The following OSBPL9 variants were observed in gnomAD, a reference collection of about 807,000 sequenced individuals.
OSBPL9 encodes the protein oxysterol-binding protein-related protein 9.
Under a neutral mutation model 106.6 loss-of-function variants are expected in OSBPL9, and 40 were observed. The observed-to-expected ratio is 0.38, with a 90% CI of 0.29 to 0.49. The LOEUF (loss-of-function observed/expected upper bound fraction) is 0.49, where lower values mean the gene tolerates loss of function less well. Ranked by LOEUF, OSBPL9 falls within the 20% of genes least tolerant of loss-of-function variation. The probability of loss-of-function intolerance (pLI) is 0.97; values close to 1 mark genes in which losing one functional copy is unlikely to be tolerated. For missense variants in OSBPL9, 609 were observed against 887.2 expected, an observed-to-expected ratio of 0.69 and a Z score of 3.98; for synonymous variants, 269 against 295.4, an observed-to-expected ratio of 0.91 and a Z score of 0.92.
At chr1:51,763,837 C>T (rs921945916) in intron 11 of OSBPL9, among the ~76,000 whole-genome samples, 6 of 151,940 alleles carry the variant, frequency 3.9e-5, no homozygotes, top group African/African-American at 1.2e-4. Context: ...TGTTGTTGTT[C>T]GTATTTTTAT....
intron 1 of OSBPL9, among the ~76,000 whole-genome samples, chr1:51,629,338 C>T (rs955847695): frequency 1.3e-5 from 2 of 152,132 alleles, no homozygotes; most frequent in African/African-American, 4.8e-5. Context: ...ATTTTATCTC[C>T]AGCATCTAGA....
chr1:51,651,200 T>C (rs937624859), intron 1 of OSBPL9, among the ~76,000 whole-genome samples: 6 of 152,218 alleles, frequency 3.9e-5, no homozygotes, highest in Admixed American at 3.9e-4. Context: ...CTGAGGGACA[T>C]TGGATGAGAA....
intron 1 of OSBPL9, among the ~76,000 whole-genome samples, chr1:51,646,059 A>G (rs1049335018): frequency 1.5e-4 from 23 of 152,158 alleles, no homozygotes; most frequent in African/African-American, 4.6e-4. Flanking sequence ...GAGTCCTCCA[A>G]TGTTGTTCTT....
intron 1 of OSBPL9, among the ~76,000 whole-genome samples, chr1:51,591,646 A>G (rs1645275856): frequency 6.6e-6 from 1 of 152,058 alleles, no homozygotes; most frequent in South Asian, 2.1e-4. Context: ...ATCTCTACCA[A>G]ATTAAGTGAG....
At chr1:51,737,059 C>T (rs571100754) in intron 4 of OSBPL9, among the ~76,000 whole-genome samples, 2 of 151,844 alleles carry the variant, frequency 1.3e-5, no homozygotes, top group Non-Finnish European at 2.9e-5. Context: ...AAAACTTTGC[C>T]ATTTTGCTTG....
intron 9 of OSBPL9, chr1:51,759,683 C>G (rs1671090206): frequency 6.6e-6 from 1 of 152,212 alleles, no homozygotes; most frequent in Non-Finnish European, 1.5e-5. Flanking sequence ...CATGTACACA[C>G]TCGCACCCCC....
intron 4 of OSBPL9, among the ~76,000 whole-genome samples, chr1:51,732,386 A>C (rs778925852): frequency 3.9e-5 from 6 of 152,212 alleles, no homozygotes; most frequent in Non-Finnish European, 8.8e-5. Context: ...AGACTTTGTG[A>C]TTACTGTAGT....
chr1:51,684,913 C>CTTTTTTT (rs1215136847), intron 3 of OSBPL9, among the ~76,000 whole-genome samples: 1 of 122,460 alleles, frequency 8.2e-6, no homozygotes. Context: ...TGCTCTTCTT[C>CTTTTTTT]TTTTTTTTTT....
intron 2 of OSBPL9, among the ~76,000 whole-genome samples, chr1:51,652,939 T>C (rs1433312685): frequency 6.6e-6 from 1 of 152,250 alleles, no homozygotes; most frequent in Non-Finnish European, 1.5e-5. Context: ...GACTTCTTTC[T>C]TCCACCTTTT....
Position 51,787,485 on chromosome 1 carries a change from A to C in OSBPL9, c.2133A>C (p.Thr711=), listed in dbSNP as rs1056774169. The change falls in exon 23 of 24, where the codon ACA becomes ACC. Residue 711 remains threonine (T), a synonymous_variant. Coordinates refer to ENST00000428468, the MANE Select transcript of OSBPL9 (RefSeq NM_024586.6). ...ERKEKEIQWE[T]RLFHEDGECW... ...AGGAGAAGGAAATTCAGTGGGAGAC[A>C]AGGGTAAGCTTGCCTGCCCCACCCT... 1 of 1,613,940 alleles carries C rather than the reference A, an allele frequency of 6.2e-7. No homozygotes were observed. The highest frequency in any genetic ancestry group is 1.1e-5 in the South Asian group (1 of 91,070).
In OSBPL9 at chr1:51,597,367, A is replaced by G. The variant is rs1325990105; in HGVS notation, c.-422-757A>G. Among the ~76,000 whole-genome samples, 4 of 151,844 alleles carry G rather than the reference A, an allele frequency of 2.6e-5. No individual in the cohort carries two copies. In the East Asian group the frequency reaches 7.7e-4, roughly 29 times the overall value. The stretch of plus-strand genomic sequence containing the variant: ...GGGATGTCAAGTACACAGTTAAAAT[A>G]TATTAACCTGCATCAATCAGAGTCC... On this transcript the variant is annotated intron_variant, in intron 1 of 25. Coordinates refer to the OSBPL9 transcript ENST00000371714.
At chr1:51,568,209 A>G in the OSBPL9 span, among the ~76,000 whole-genome samples, 1 of 152,326 alleles carries the variant, frequency 6.6e-6, no homozygotes, top group South Asian at 2.1e-4. Context: ...TCTCTTTTCC[A>G]TCTCTGATCT....
At chr1:51,757,431 C>G (rs948017461) in intron 9 of OSBPL9, among the ~76,000 whole-genome samples, 1 of 151,866 alleles carries the variant, frequency 6.6e-6, no homozygotes, top group African/African-American at 2.4e-5. Flanking sequence ...TATGTATTGT[C>G]TAGCATTTTA....
chr1:51,786,053 C>CT, intron 21 of OSBPL9, 167 bp downstream of exon 21: 1 of 609,462 alleles, frequency 1.6e-6, no homozygotes, highest in Non-Finnish European at 2.8e-6. Flanking sequence ...TCAGGGCAAG[C>CT]TTTTTCTTTC....
chr1:51,746,976 T>C (rs2149006315), intron 6 of OSBPL9, among the ~76,000 whole-genome samples: 1 of 152,250 alleles, frequency 6.6e-6, no homozygotes, highest in East Asian at 1.9e-4. Context: ...GTTTTTTTGG[T>C]TTTGTTTTGT....
intron 12 of OSBPL9, among the ~76,000 whole-genome samples, chr1:51,768,232 C>T (rs771370175): frequency 2.0e-5 from 3 of 151,018 alleles, no homozygotes; most frequent in Non-Finnish European, 3.0e-5. Flanking sequence ...TGAGCCACCG[C>T]GCCCAGCCTT....
rs1557884383 is a variant in OSBPL9 at position 51,787,710 on chromosome 1, TAC to T, written c.2137-3_2137-2del. The T allele has an allele frequency of 1.2e-6, 2 of 1,611,934 alleles. No homozygotes were observed. The highest frequency in any genetic ancestry group is 1.3e-5 in the African/African-American group (1 of 74,986). On this transcript the variant is annotated splice_polypyrimidine_tract_variant and splice_region_variant and intron_variant, in intron 23 of 23. Transcript: ENST00000428468. ...GTAACTAAATTCTTCCTCTTTGTCT[TAC>T]AGTTATTTCATGAAGATGGAGAATG...
chr1:51,549,236 C>G, the OSBPL9 span, among the ~76,000 whole-genome samples: 1 of 152,162 alleles, frequency 6.6e-6, no homozygotes, highest in African/African-American at 2.4e-5. Flanking sequence ...TCCACACATC[C>G]CCTTCTCCTT....
intron 4 of OSBPL9, among the ~76,000 whole-genome samples, chr1:51,718,471 A>G (rs1661475299): frequency 6.6e-6 from 1 of 152,160 alleles, no homozygotes; most frequent in Non-Finnish European, 1.5e-5. Flanking sequence ...ATATATACCT[A>G]CTATGTACCC....
Sources: gnomAD v4.1 joint callset for allele counts (sites outside exome capture counted in the v4.1 genomes callset) on GRCh38, gnomAD v4.1.1 for gene constraint, MANE v1.5 for transcripts, NCBI Gene and HGNC (gene_info 2026-07-23, HGNC 2026-07-21) for gene names.